The following INPP4B variants were observed in gnomAD, a reference collection of about 807,000 sequenced individuals.
The protein encoded by INPP4B is inositol polyphosphate-4-phosphatase type II B.
In INPP4B, 55 loss-of-function variants were observed where a neutral mutation model predicts 122.5. The ratio of observed to expected loss-of-function variants is 0.45; its 90% CI spans 0.36 to 0.56. The LOEUF (loss-of-function observed/expected upper bound fraction) is 0.56. Among genes scored for constraint, INPP4B ranks in the 20% least tolerant of loss-of-function variants. INPP4B has a pLI of 0.00. For synonymous variants in INPP4B, 403 were observed against 388.7 expected, an observed-to-expected ratio of 1.04 and a Z score of -0.43; for missense variants, 1,000 against 1,097.7, an observed-to-expected ratio of 0.91 and a Z score of 1.26.
chr4:142,036,418 T>C (rs914933542), intron 25 of INPP4B, among the ~76,000 whole-genome samples: 25 of 152,210 alleles, frequency 1.6e-4, no homozygotes, highest in Non-Finnish European at 1.2e-4. Flanking sequence ...TTTATCAACA[T>C]AATAGTAGAG....
intron 17 of INPP4B, among the ~76,000 whole-genome samples, chr4:142,153,242 G>A (rs191320349): frequency 9.8e-5 from 15 of 152,302 alleles, no homozygotes; most frequent in African/African-American, 3.4e-4. Flanking sequence ...TTATCAGTTA[G>A]TGTGTTGTGC....
chr4:142,090,396 ATTT>A (rs33979683), intron 23 of INPP4B, among the ~76,000 whole-genome samples: 16,061 of 147,628 alleles, frequency 0.11, 1,058 homozygotes, highest in South Asian at 0.21. Flanking sequence ...GGTTGCTGCC[ATTT>A]TTTTTTTTTT....
intron 7 of INPP4B, among the ~76,000 whole-genome samples, chr4:142,384,439 C>T (rs1795251506): frequency 6.6e-6 from 1 of 152,178 alleles, no homozygotes; most frequent in South Asian, 2.1e-4. Context: ...TGCCCCTTGG[C>T]TGCAAACCTG....
intron 25 of INPP4B, among the ~76,000 whole-genome samples, chr4:142,047,482 C>A (rs537004506): frequency 1.3e-5 from 2 of 152,082 alleles, no homozygotes; most frequent in South Asian, 4.2e-4. Flanking sequence ...AGAAGGCACC[C>A]TTAGAGATCA....
chr4:142,696,958 TTA>T (rs1761116987), intron 2 of INPP4B, among the ~76,000 whole-genome samples: 1 of 152,226 alleles, frequency 6.6e-6, no homozygotes, highest in African/African-American at 2.4e-5. Context: ...CTGTATGTGT[TTA>T]TTCTTAGAAT....
intron 8 of INPP4B, among the ~76,000 whole-genome samples, chr4:142,312,089 C>G (rs1302910494): frequency 6.6e-6 from 1 of 152,134 alleles, no homozygotes. Context: ...CACAGGATAC[C>G]AATTGAGATT....
intron 2 of INPP4B, among the ~76,000 whole-genome samples, chr4:142,489,069 A>G (rs2149773333): frequency 6.6e-6 from 1 of 152,226 alleles, no homozygotes; most frequent in South Asian, 2.1e-4. Context: ...TTTTGTTTAG[A>G]TTGAAGCATT....
chr4:142,528,320 A>G (rs1209312433), intron 2 of INPP4B, among the ~76,000 whole-genome samples: 1 of 152,002 alleles, frequency 6.6e-6, no homozygotes, highest in African/African-American at 2.4e-5. Context: ...TCAAGGTGTT[A>G]ATTGGGGCGA....
At chr4:142,689,080 T>A (rs984004547) in intron 2 of INPP4B, among the ~76,000 whole-genome samples, 2 of 152,198 alleles carry the variant, frequency 1.3e-5, no homozygotes, top group Non-Finnish European at 2.9e-5. Flanking sequence ...TCAGAGAGAC[T>A]GATTTAAGTA....
intron 2 of INPP4B, among the ~76,000 whole-genome samples, chr4:142,712,064 A>T (rs550482318): frequency 4.6e-5 from 7 of 152,082 alleles, no homozygotes; most frequent in Non-Finnish European, 7.4e-5. Context: ...AATAACAATA[A>T]ATAAATAAAA....
intron 5 of INPP4B, chr4:142,426,665 A>G (rs1808124524): frequency 6.6e-6 from 1 of 151,976 alleles, no homozygotes; most frequent in Admixed American, 6.6e-5. Context: ...GAACTTCAGT[A>G]GAGGAATTCA....
At chr4:142,492,273 G>T (rs551187979) in intron 2 of INPP4B, among the ~76,000 whole-genome samples, 9 of 152,008 alleles carry the variant, frequency 5.9e-5, no homozygotes, top group Non-Finnish European at 1.3e-4. Flanking sequence ...GTCTTAATGA[G>T]CAGTGTGAGA....
At chr4:142,687,336 A>G (rs914588061) in intron 2 of INPP4B, among the ~76,000 whole-genome samples, 6 of 152,072 alleles carry the variant, frequency 3.9e-5, no homozygotes, top group Admixed American at 3.9e-4. Context: ...ACCAAAGCCC[A>G]AAACTGAGGA....
intron 1 of INPP4B, among the ~76,000 whole-genome samples, chr4:142,738,285 A>T (rs1224956928): frequency 6.6e-6 from 1 of 152,212 alleles, no homozygotes; most frequent in African/African-American, 2.4e-5. Context: ...AGCCATAAAA[A>T]ATGATGAGTT....
At chr4:142,119,911 T>C (rs1210358801) in intron 21 of INPP4B, among the ~76,000 whole-genome samples, 2 of 150,946 alleles carry the variant, frequency 1.3e-5, no homozygotes, top group African/African-American at 2.4e-5. Flanking sequence ...TATATATGTA[T>C]ATATATAGAA....
intron 3 of INPP4B, among the ~76,000 whole-genome samples, chr4:142,456,323 A>G (rs1815412485): frequency 6.6e-6 from 1 of 152,036 alleles, no homozygotes; most frequent in Non-Finnish European, 1.5e-5. Flanking sequence ...TGATTTGTAT[A>G]TGGTGAGAGA....
intron 2 of INPP4B, among the ~76,000 whole-genome samples, chr4:142,679,200 C>A (rs549394264): frequency 6.6e-6 from 1 of 151,990 alleles, no homozygotes; most frequent in East Asian, 1.9e-4. Context: ...ATATATTATA[C>A]ACCTGCATGT....
chr4:142,635,847 CT>C (rs1311356717), intron 2 of INPP4B, among the ~76,000 whole-genome samples: 2 of 152,184 alleles, frequency 1.3e-5, no homozygotes, highest in Admixed American at 1.3e-4. Context: ...ACATGTACCC[CT>C]GAACCTAAAA....
Position 142,028,370 on chromosome 4 carries a change from T to G in INPP4B, c.*412A>C, listed in dbSNP as rs1007954684. 3 of 235,056 alleles carry G rather than the reference T, an allele frequency of 1.3e-5. No homozygotes were observed. The highest frequency in any genetic ancestry group is 2.2e-5 in the African/African-American group (1 of 45,216). The allele number at this position is 235,056 out of a possible 1,614,324, so 14.6% of individuals were successfully genotyped here. A position where few individuals can be genotyped will look rare whatever the true frequency, so the allele number is the denominator to read the frequency against. On this transcript the variant is annotated 3_prime_UTR_variant, in exon 26 of 26. Coordinates refer to ENST00000262992, the MANE Select transcript of INPP4B (RefSeq NM_001101669.3). ...TGTTCTCATAGGCTATTAAGTTGTA[T>G]CACAAAAAAAATATGTTCCTTTTCC...
Sources: gnomAD v4.1 joint callset for allele counts (sites outside exome capture counted in the v4.1 genomes callset) on GRCh38, gnomAD v4.1.1 for gene constraint, MANE v1.5 for transcripts, NCBI Gene and HGNC (gene_info 2026-07-23, HGNC 2026-07-21) for gene names.